The following ADGRL2 variants were observed in gnomAD, a reference collection of about 807,000 sequenced individuals.
ADGRL2 encodes the protein calcium-independent alpha-latrotoxin receptor 2.
In ADGRL2, 44 loss-of-function variants were observed where a neutral mutation model predicts 157.4. The ratio of observed to expected loss-of-function variants is 0.28; its 90% confidence interval spans 0.22 to 0.36. The LOEUF (loss-of-function observed/expected upper bound fraction) is 0.36. ADGRL2 is among the 10% of genes least tolerant of loss of function. The pLI is 1.00. For synonymous variants in ADGRL2, 585 were observed against 624.7 expected (o/e 0.94, Z 0.95); for missense variants, 1,510 against 1,768.9 (o/e 0.85, Z 2.63).
chr1:81,492,680 A>G (rs1321129924), intron 2 of ADGRL2, among the ~76,000 whole-genome samples: 3 of 152,204 alleles, frequency 2.0e-5, no homozygotes, highest in Non-Finnish European at 2.9e-5. Flanking sequence ...GAATAAAATC[A>G]TCTTCAAAAT....
At chr1:81,664,468 A>G (rs9728976) in intron 3 of ADGRL2, among the ~76,000 whole-genome samples, 34,057 of 152,048 alleles carry the variant, frequency 0.22, 3,881 homozygotes, top group South Asian at 0.26. Flanking sequence ...ACAATCAGTG[A>G]CATTTCCTTA....
chr1:81,721,923 G>A, intron 1 of ADGRL2: 2 of 690,408 alleles, frequency 2.9e-6, no homozygotes, highest in East Asian at 2.8e-5. Flanking sequence ...ATCAAGTGAG[G>A]AAAGTGATCT....
At chr1:81,881,382 T>C (rs1405052863) in intron 2 of ADGRL2, among the ~76,000 whole-genome samples, 1 of 152,158 alleles carries the variant, frequency 6.6e-6, no homozygotes, top group Non-Finnish European at 1.5e-5. Context: ...TTCACCATGT[T>C]AGCCAGGATG....
chr1:81,897,310 G>A (rs556526637), intron 2 of ADGRL2, among the ~76,000 whole-genome samples: 54 of 152,008 alleles, frequency 3.6e-4, no homozygotes, highest in African/African-American at 1.3e-3. Flanking sequence ...TAAGTAAATC[G>A]GAATTAAAGT....
chr1:81,740,968 T>C (rs2085054002), intron 1 of ADGRL2, among the ~76,000 whole-genome samples: 1 of 151,976 alleles, frequency 6.6e-6, no homozygotes, highest in Non-Finnish European at 1.5e-5. Flanking sequence ...TCTATTACCA[T>C]AGGAAGGAAG....
chr1:81,865,385 C>T lies in ADGRL2; in HGVS notation c.73+28328C>T, dbSNP rs188249355. ...AGTATTTTAGCAGCTTTCACTACAT[C>T]GAAGCTATTTTTTGTCACTTTTATT... On this transcript the variant is annotated intron_variant, in intron 2 of 23. Coordinates refer to ENST00000686636, the MANE Select transcript of ADGRL2 (RefSeq NM_001366006.2). Among the ~76,000 whole-genome samples the T allele has an allele frequency of 4.5e-4, 68 of 152,220 alleles. 1 individual carries two copies. The highest frequency in any genetic ancestry group is 2.5e-3 in the South Asian group (12 of 4,816).
At chr1:81,440,686 C>T (rs925180549) in intron 1 of ADGRL2, among the ~76,000 whole-genome samples, 12 of 152,150 alleles carry the variant, frequency 7.9e-5, no homozygotes, top group Non-Finnish European at 1.3e-4. Context: ...AAATTCATTA[C>T]CCCATCAAAC....
chr1:81,492,335 T>C (rs978226718), intron 2 of ADGRL2, among the ~76,000 whole-genome samples: 2 of 152,152 alleles, frequency 1.3e-5, no homozygotes, highest in Non-Finnish European at 2.9e-5. Context: ...CTTTGTAAAA[T>C]AACCAATGAA....
intron 11 of ADGRL2, among the ~76,000 whole-genome samples, chr1:81,958,546 A>G (rs1298230854): frequency 6.6e-6 from 1 of 152,176 alleles, no homozygotes; most frequent in Non-Finnish European, 1.5e-5. Context: ...TTAACTTCAT[A>G]GCATGATTTA....
intron 1 of ADGRL2, among the ~76,000 whole-genome samples, chr1:81,395,766 T>C (rs1322264080): frequency 1.3e-5 from 2 of 152,202 alleles, no homozygotes; most frequent in East Asian, 1.9e-4. Flanking sequence ...CATATGAATA[T>C]CCAGTTTCCC....
intron 1 of ADGRL2, among the ~76,000 whole-genome samples, chr1:81,392,708 G>T (rs1362614526): frequency 6.6e-6 from 1 of 151,954 alleles, no homozygotes; most frequent in Non-Finnish European, 1.5e-5. Context: ...AAATCCAATG[G>T]GAAATAGAGT....
intron 3 of ADGRL2, among the ~76,000 whole-genome samples, chr1:81,651,183 T>G (rs2082413123): frequency 1.3e-5 from 2 of 152,172 alleles, no homozygotes; most frequent in Admixed American, 1.3e-4. Flanking sequence ...AGCTTGGAAA[T>G]TGTTGGTCGT....
At chr1:81,385,651 A>C (rs997976293) in intron 1 of ADGRL2, among the ~76,000 whole-genome samples, 10 of 152,092 alleles carry the variant, frequency 6.6e-5, no homozygotes, top group Admixed American at 5.2e-4. Flanking sequence ...CTGCCCTGGA[A>C]TAAAAGAAAG....
intron 3 of ADGRL2, among the ~76,000 whole-genome samples, chr1:81,659,711 C>T (rs902242911): frequency 6.6e-6 from 1 of 152,170 alleles, no homozygotes; most frequent in African/African-American, 2.4e-5. Context: ...TAACACGTCA[C>T]CATTACCATC....
At chr1:81,501,651 C>G in intron 2 of ADGRL2, 1 of 1,350,940 alleles carries the variant, frequency 7.4e-7, no homozygotes, top group Non-Finnish European at 1.0e-6. Context: ...GCCTGAGCGG[C>G]CGCCTCCTCC....
chr1:81,582,415 G>A (rs1172185826), intron 3 of ADGRL2, among the ~76,000 whole-genome samples: 1 of 151,936 alleles, frequency 6.6e-6, no homozygotes, highest in African/African-American at 2.4e-5. Flanking sequence ...TAAGTAAAAA[G>A]ACTCCCCCTT....
intron 1 of ADGRL2, among the ~76,000 whole-genome samples, chr1:81,395,194 A>G (rs887559335): frequency 6.6e-6 from 1 of 152,126 alleles, no homozygotes; most frequent in East Asian, 1.9e-4. Flanking sequence ...TACAGGTGTG[A>G]TATTTTTTGT....
chr1:81,413,818 A>G (rs2076989546), intron 1 of ADGRL2, among the ~76,000 whole-genome samples: 1 of 152,130 alleles, frequency 6.6e-6, no homozygotes, highest in Admixed American at 6.5e-5. Context: ...CTCTGTATAT[A>G]CACACATACA....
At chr1:81,372,397 G>T (rs1285778186) in intron 1 of ADGRL2, among the ~76,000 whole-genome samples, 2 of 152,130 alleles carry the variant, frequency 1.3e-5, no homozygotes, top group Non-Finnish European at 2.9e-5. Flanking sequence ...GGGCCGAGAT[G>T]GCAAACACAA....
Sources: gnomAD v4.1 joint callset for allele counts (sites outside exome capture counted in the v4.1 genomes callset) on GRCh38, gnomAD v4.1.1 for gene constraint, MANE v1.5 for transcripts, NCBI Gene and HGNC (gene_info 2026-07-23, HGNC 2026-07-21) for gene names.